The following MRPS27 variants were observed in gnomAD, a reference collection of about 807,000 sequenced individuals.
MRPS27 encodes the protein small ribosomal subunit protein mS27.
MRPS27 carries 43 observed loss-of-function variants against 48.9 expected under a neutral mutation model. That is an observed-to-expected ratio of 0.88 (90% CI 0.69 to 1.13). The LOEUF (loss-of-function observed/expected upper bound fraction) is 1.13. MRPS27 is among the 50% of genes most tolerant of loss of function. The pLI is 0.00. For synonymous variants in MRPS27, 188 were observed against 171.9 expected, an observed-to-expected ratio of 1.09 and a Z score of -0.73; for missense variants, 467 against 476.3, an observed-to-expected ratio of 0.98 and a Z score of 0.18.
chr5:72,304,490 A>G (rs1750208421), intron 2 of MRPS27, among the ~76,000 whole-genome samples: 1 of 152,214 alleles, frequency 6.6e-6, no homozygotes, highest in African/African-American at 2.4e-5. Flanking sequence ...TTAAAAACAC[A>G]CTAGGAAGCC....
intron 10 of MRPS27, 118 bp from the exon 11 acceptor site, chr5:72,221,266 G>A (rs751994274): frequency 1.1e-5 from 14 of 1,265,680 alleles, no homozygotes; most frequent in African/African-American, 1.5e-5. Flanking sequence ...TTGCTGACTC[G>A]TAGTTTAGTC....
At chr5:72,272,958 T>A (rs1045435904) in intron 4 of MRPS27, among the ~76,000 whole-genome samples, 1 of 152,344 alleles carries the variant, frequency 6.6e-6, no homozygotes. Flanking sequence ...GTTATATATG[T>A]TTAAAATTTT....
At chr5:72,305,057 G>T (rs1041077861) in intron 2 of MRPS27, among the ~76,000 whole-genome samples, 3 of 152,156 alleles carry the variant, frequency 2.0e-5, no homozygotes, top group Admixed American at 2.0e-4. Flanking sequence ...TATACAGAAG[G>T]AAGTATGGAA....
chr5:72,262,941 G>A (rs1367130434), intron 4 of MRPS27, among the ~76,000 whole-genome samples: 1 of 152,026 alleles, frequency 6.6e-6, no homozygotes, highest in Non-Finnish European at 1.5e-5. Context: ...AGCCCCAAGT[G>A]AGAGATTTTT....
intron 4 of MRPS27, among the ~76,000 whole-genome samples, chr5:72,277,159 A>G (rs1158615981): frequency 1.3e-5 from 2 of 152,192 alleles, no homozygotes; most frequent in Admixed American, 1.3e-4. Context: ...AAAAACCACA[A>G]TGAGATACCA....
At chr5:72,234,303 T>C in intron 5 of MRPS27, 106 bp from the exon 6 acceptor site, 1 of 980,624 alleles carries the variant, frequency 1.0e-6, no homozygotes, top group Non-Finnish European at 1.3e-6. Flanking sequence ...CCATTAGCTT[T>C]AAAATATTTG....
intron 5 of MRPS27, among the ~76,000 whole-genome samples, chr5:72,237,319 A>G (rs1446620289): frequency 6.6e-6 from 1 of 152,102 alleles, no homozygotes; most frequent in African/African-American, 2.4e-5. Context: ...AACTGTATAT[A>G]ATATATATTA....
intron 4 of MRPS27, among the ~76,000 whole-genome samples, chr5:72,245,043 G>C (rs1489076951): frequency 6.6e-6 from 1 of 152,172 alleles, no homozygotes; most frequent in African/African-American, 2.4e-5. Flanking sequence ...GAAGAAACAA[G>C]TATTTACAGT....
intron 4 of MRPS27, among the ~76,000 whole-genome samples, chr5:72,265,603 T>C (rs1384828834): frequency 6.6e-6 from 1 of 152,028 alleles, no homozygotes; most frequent in African/African-American, 2.4e-5. Flanking sequence ...AGCCTTGGGG[T>C]GGTGGGAGCG....
At chr5:72,267,766 A>T (rs1749139265) in intron 4 of MRPS27, among the ~76,000 whole-genome samples, 1 of 152,186 alleles carries the variant, frequency 6.6e-6, no homozygotes, top group Admixed American at 6.5e-5. Context: ...ACTGCCAAAG[A>T]TTCAGATATC....
At chr5:72,262,865 G>C (rs1178054468) in intron 4 of MRPS27, among the ~76,000 whole-genome samples, 3 of 151,906 alleles carry the variant, frequency 2.0e-5, no homozygotes, top group Admixed American at 6.6e-5. Flanking sequence ...TGAACTCCTG[G>C]GCTCAAACGA....
chr5:72,221,315 A>C (rs764465851), intron 10 of MRPS27, among the ~76,000 whole-genome samples, 167 bp from the exon 11 acceptor site: 22 of 152,206 alleles, frequency 1.4e-4, no homozygotes, highest in Non-Finnish European at 3.1e-4. Flanking sequence ...CCTGCAAAAT[A>C]ACCACACATT....
chr5:72,266,384 T>C (rs1418788886), intron 4 of MRPS27, among the ~76,000 whole-genome samples: 1 of 152,184 alleles, frequency 6.6e-6, no homozygotes, highest in African/African-American at 2.4e-5. Context: ...CCCCAACTCC[T>C]AGCCTGAGTA....
chr5:72,271,961 A>G (rs542565707), intron 4 of MRPS27, among the ~76,000 whole-genome samples: 1 of 152,290 alleles, frequency 6.6e-6, no homozygotes, highest in East Asian at 1.9e-4. Flanking sequence ...CAAGCTCCAA[A>G]GTGCACAATC....
At chr5:72,279,831 A>G (rs546590763) in intron 4 of MRPS27, among the ~76,000 whole-genome samples, 2 of 151,986 alleles carry the variant, frequency 1.3e-5, no homozygotes, top group Admixed American at 6.6e-5. Flanking sequence ...ATATTCTCCT[A>G]TATTTCCTTC....
At chr5:72,241,824 C>A in intron 4 of MRPS27, 1 of 746,758 alleles carries the variant, frequency 1.3e-6, no homozygotes, top group Non-Finnish European at 2.2e-6. Flanking sequence ...CTGTAGGAGT[C>A]CCCTCTGTGC....
At chr5:72,289,195 C>A (rs909973758) in intron 4 of MRPS27, among the ~76,000 whole-genome samples, 2 of 152,164 alleles carry the variant, frequency 1.3e-5, no homozygotes, top group African/African-American at 4.8e-5. Context: ...ATACTTGAGA[C>A]CCACGTACAG....
At chr5:72,308,354 C>G (rs746593082) in intron 2 of MRPS27, among the ~76,000 whole-genome samples, 2 of 152,254 alleles carry the variant, frequency 1.3e-5, no homozygotes, top group Non-Finnish European at 2.9e-5. Flanking sequence ...CGCAGTGTCC[C>G]TTGCTGCCTC....
intron 4 of MRPS27, chr5:72,241,449 A>T (rs1225564804): frequency 2.0e-5 from 11 of 559,756 alleles, no homozygotes; most frequent in Admixed American, 1.3e-4. Flanking sequence ...CAGCATTAAA[A>T]AGATAAACTT....
Sources: gnomAD v4.1 joint callset for allele counts (sites outside exome capture counted in the v4.1 genomes callset) on GRCh38, gnomAD v4.1.1 for gene constraint, MANE v1.5 for transcripts, NCBI Gene and HGNC (gene_info 2026-07-23, HGNC 2026-07-21) for gene names.